Variants in TASP1 observed in about 807,000 individuals in gnomAD.
TASP1 encodes the protein threonine aspartase 1.
TASP1 carries 16 observed loss-of-function variants against 56.6 expected under a neutral mutation model. The ratio of observed to expected loss-of-function variants is 0.28; its 90% CI spans 0.19 to 0.43. The LOEUF is 0.43. Among genes scored for constraint, TASP1 ranks in the 20% least tolerant of loss-of-function variants. TASP1 has a pLI of 1.00. For missense variants in TASP1, 393 were observed against 511.6 expected (o/e 0.77, Z 2.24); for synonymous variants, 179 against 184.2 (o/e 0.97, Z 0.23).
chr20:13,462,831 A>T (rs895711723), intron 11 of TASP1, among the ~76,000 whole-genome samples: 4 of 152,136 alleles, frequency 2.6e-5, no homozygotes, highest in Non-Finnish European at 4.4e-5. Flanking sequence ...AAGGCAAAAC[A>T]CTTGTACACT....
rs71334133 is a variant in TASP1 at position 13,580,985 on chromosome 20, T to TA, written c.404-5dup. On this transcript the variant is annotated splice_region_variant and splice_polypyrimidine_tract_variant and intron_variant, in intron 5 of 13. Coordinates refer to ENST00000337743, the MANE Select transcript of TASP1 (RefSeq NM_017714.3). ...ACCGAGACTGGGTTCTTGATTCCTA[T>TA]AAAAAAAAAAAAAAAATTGGCAAAA... The TA allele has an allele frequency of 0.12, 166,269 of 1,397,686 alleles. 115 individuals carry two copies. Among genetic ancestry groups the TA allele is most frequent in the South Asian group, 0.13 (10,012 of 74,910 alleles). The allele number at this position is 1,397,686 out of a possible 1,614,324, so 86.6% of individuals were successfully genotyped here. A position where few individuals can be genotyped will look rare whatever the true frequency, so the allele number is the denominator to read the frequency against.
intron 4 of TASP1, among the ~76,000 whole-genome samples, chr20:13,615,473 G>C (rs1360346065): frequency 5.3e-5 from 8 of 150,342 alleles, no homozygotes; most frequent in African/African-American, 2.0e-4. Flanking sequence ...AGAGAGGAGA[G>C]CAAGATTTAG....
At position 13,390,246 on chromosome 20, in the gene TASP1, G is replaced by C. The variant is rs537612184; in HGVS notation, c.*114C>G. On this transcript the variant is annotated 3_prime_UTR_variant, in exon 14 of 14. Coordinates refer to ENST00000337743, the MANE Select transcript of TASP1 (RefSeq NM_017714.3). Reference sequence around the variant, plus strand: ...CACTTGTGTCTCGAGCAGTGCACGAGGTTGCAATAGGAATTATAAAACAAG... The same window carrying C: ...CACTTGTGTCTCGAGCAGTGCACGACGTTGCAATAGGAATTATAAAACAAG... The C allele has an allele frequency of 2.4e-4, 226 of 936,296 alleles. No individual in the cohort carries two copies. The highest frequency in any genetic ancestry group is 2.4e-3 in the African/African-American group (146 of 60,978). The allele number at this position is 936,296 out of a possible 1,614,324, so 58.0% of individuals were successfully genotyped here.
chr20:13,249,645 T>G, the TASP1 span, among the ~76,000 whole-genome samples: 215 of 152,368 alleles, frequency 1.4e-3, 2 homozygotes, highest in Middle Eastern at 6.8e-3. Flanking sequence ...TGTAGTGGAA[T>G]GCTGCTGAAT....
chr20:13,182,330 T>C, the TASP1 span, among the ~76,000 whole-genome samples: 2 of 152,232 alleles, frequency 1.3e-5, no homozygotes, highest in African/African-American at 4.8e-5. Context: ...AATTAATGCA[T>C]TGCATTTCAT....
At chr20:13,536,708 G>A (rs970834061) in intron 8 of TASP1, among the ~76,000 whole-genome samples, 7 of 152,028 alleles carry the variant, frequency 4.6e-5, no homozygotes, top group African/African-American at 1.7e-4. Context: ...AATGTAAAGT[G>A]ACTGTCTTCA....
the TASP1 span, among the ~76,000 whole-genome samples, chr20:13,359,340 T>C: frequency 6.6e-6 from 1 of 150,600 alleles, no homozygotes; most frequent in Non-Finnish European, 1.5e-5. Context: ...ATCGGACTGT[T>C]CAACTCACCT....
At chr20:13,251,021 C>G in the TASP1 span, among the ~76,000 whole-genome samples, 3 of 152,144 alleles carry the variant, frequency 2.0e-5, no homozygotes, top group Non-Finnish European at 1.5e-5. Flanking sequence ...TAACTTATGA[C>G]CATTGATTGC....
At chr20:13,245,197 A>G in the TASP1 span, 1 of 152,180 alleles carries the variant, frequency 6.6e-6, no homozygotes, top group Non-Finnish European at 1.5e-5. Context: ...ACACACGTTT[A>G]TTATCTCAGA....
chr20:13,191,490 G>C, the TASP1 span, among the ~76,000 whole-genome samples: 3 of 152,182 alleles, frequency 2.0e-5, no homozygotes, highest in East Asian at 5.8e-4. Context: ...ATCAAGCACA[G>C]AAAGACAAAT....
the TASP1 span, chr20:13,288,687 C>A: frequency 1.9e-6 from 3 of 1,611,342 alleles, no homozygotes; most frequent in African/African-American, 1.3e-5. Flanking sequence ...TGCCCAGGTG[C>A]GTTTACCTGA....
At chr20:13,251,829 A>G in the TASP1 span, among the ~76,000 whole-genome samples, 7 of 152,160 alleles carry the variant, frequency 4.6e-5, no homozygotes, top group Admixed American at 2.6e-4. Context: ...GAGGGTGAGC[A>G]CTTAGAACTT....
At chr20:13,566,397 T>C (rs1568590479) in intron 7 of TASP1, among the ~76,000 whole-genome samples, 1 of 152,108 alleles carries the variant, frequency 6.6e-6, no homozygotes, top group Non-Finnish European at 1.5e-5. Flanking sequence ...AGAAGCTTTA[T>C]TCATAATAGC....
intron 13 of TASP1, among the ~76,000 whole-genome samples, chr20:13,404,430 A>G (rs1215852679): frequency 6.6e-6 from 1 of 152,190 alleles, no homozygotes; most frequent in East Asian, 1.9e-4. Flanking sequence ...CAACATAGCA[A>G]GACCTCATCT....
chr20:13,513,249 C>T (rs1271734947), intron 10 of TASP1, among the ~76,000 whole-genome samples: 2 of 152,106 alleles, frequency 1.3e-5, no homozygotes, highest in Admixed American at 6.6e-5. Context: ...TTATTGAGTA[C>T]CTACTATATC....
Position 13,557,624 on chromosome 20 carries a change from A to T in TASP1, c.675+1384T>A, listed in dbSNP as rs571492580. Among the ~76,000 whole-genome samples, 10 of 120,672 alleles carry T rather than the reference A, an allele frequency of 8.3e-5. 1 individual carries two copies. In the South Asian group the frequency reaches 2.6e-3, roughly 32 times the overall value. 79.2% of individuals were successfully genotyped at this position (120,672 alleles called of 152,430 possible). On this transcript the variant is annotated intron_variant, in intron 8 of 13. Coordinates refer to ENST00000337743, the MANE Select transcript of TASP1 (RefSeq NM_017714.3). ...GAGACAGGGTCTCACTCCATCACCC[A>T]GGCTAGAGCACAGTGACATGATCAC...
At chr20:13,399,928 T>C (rs936801114) in intron 13 of TASP1, among the ~76,000 whole-genome samples, 1 of 152,178 alleles carries the variant, frequency 6.6e-6, no homozygotes, top group Non-Finnish European at 1.5e-5. Context: ...TGAGAGTGTT[T>C]GCACCTGCTA....
the TASP1 span, among the ~76,000 whole-genome samples, chr20:13,163,977 A>G: frequency 2.0e-5 from 3 of 152,128 alleles, no homozygotes; most frequent in Non-Finnish European, 4.4e-5. Context: ...ATATGTATAC[A>G]TGTGCCATGT....
intron 5 of TASP1, among the ~76,000 whole-genome samples, chr20:13,583,674 A>T (rs1476372214): frequency 6.6e-6 from 1 of 152,260 alleles, no homozygotes; most frequent in East Asian, 1.9e-4. Flanking sequence ...ATTTAAAAGC[A>T]TAGACCTCAA....
Sources: gnomAD v4.1 joint callset for allele counts (sites outside exome capture counted in the v4.1 genomes callset) on GRCh38, gnomAD v4.1.1 for gene constraint, MANE v1.5 for transcripts, NCBI Gene and HGNC (gene_info 2026-07-23, HGNC 2026-07-21) for gene names.